Variants in MSRA observed in about 807,000 individuals in gnomAD.
MSRA encodes the protein mitochondrial peptide methionine sulfoxide reductase.
A neutral mutation model predicts 31.3 loss-of-function variants in MSRA; 54 were observed. That is an observed-to-expected ratio of 1.73 (90% CI 1.39 to 2.17). MSRA has a LOEUF of 2.17. MSRA is among the 30% of genes most tolerant of loss of function. MSRA has a pLI of 0.00. For synonymous variants in MSRA, 169 were observed against 116.5 expected, an observed-to-expected ratio of 1.45 and a Z score of -2.90; for missense variants, 507 against 300.9, an observed-to-expected ratio of 1.69 and a Z score of -5.07.
intron 1 of MSRA, among the ~76,000 whole-genome samples, chr8:10,132,763 A>T (rs1391213793): frequency 6.6e-6 from 1 of 152,248 alleles, no homozygotes; most frequent in Non-Finnish European, 1.5e-5. Flanking sequence ...TGTGCCAGGG[A>T]CTGTGATAGG....
intron 5 of MSRA, among the ~76,000 whole-genome samples, chr8:10,333,488 T>A (rs1802827735): frequency 6.6e-6 from 1 of 151,906 alleles, no homozygotes; most frequent in Admixed American, 6.6e-5. Context: ...CACAGGGAGG[T>A]CCCCGATGAC....
chr8:10,399,661 T>G (rs1033815615), intron 5 of MSRA, among the ~76,000 whole-genome samples: 10 of 152,208 alleles, frequency 6.6e-5, no homozygotes, highest in Admixed American at 3.9e-4. Flanking sequence ...CCTCTGATAT[T>G]TATTTATAGC....
chr8:10,206,055 TTTC>T (rs1808939130), intron 1 of MSRA, among the ~76,000 whole-genome samples: 1 of 152,358 alleles, frequency 6.6e-6, no homozygotes, highest in African/African-American at 2.4e-5. Context: ...CGTGTGTTTT[TTTC>T]TTAAGGTGTA....
At chr8:10,212,003 T>C (rs543715012) in intron 2 of MSRA, among the ~76,000 whole-genome samples, 1 of 152,070 alleles carries the variant, frequency 6.6e-6, no homozygotes, top group African/African-American at 2.4e-5. Flanking sequence ...TTGTGAAGAT[T>C]CTTGGTACAA....
chr8:10,145,155 A>C (rs1414805986), intron 1 of MSRA, among the ~76,000 whole-genome samples: 1 of 152,200 alleles, frequency 6.6e-6, no homozygotes, highest in Non-Finnish European at 1.5e-5. Context: ...GGCGGAGCTG[A>C]GTCAAACTCC....
At chr8:10,356,625 A>T (rs1804522864) in intron 5 of MSRA, among the ~76,000 whole-genome samples, 1 of 152,192 alleles carries the variant, frequency 6.6e-6, no homozygotes, top group Non-Finnish European at 1.5e-5. Flanking sequence ...TTTGGTTGTG[A>T]GAGTGGAGCC....
intron 1 of MSRA, among the ~76,000 whole-genome samples, chr8:10,187,138 T>C (rs905589537): frequency 2.0e-5 from 3 of 152,176 alleles, no homozygotes; most frequent in Non-Finnish European, 4.4e-5. Context: ...TTTAGAATCT[T>C]TCCTCAGTGT....
At chr8:10,210,218 C>T (rs540376552) in intron 2 of MSRA, among the ~76,000 whole-genome samples, 3 of 152,150 alleles carry the variant, frequency 2.0e-5, no homozygotes, top group Non-Finnish European at 2.9e-5. Flanking sequence ...GACTCATATA[C>T]TCCTCTTCCT....
intron 1 of MSRA, among the ~76,000 whole-genome samples, chr8:10,127,922 T>C (rs186481720): frequency 3.3e-5 from 5 of 152,172 alleles, no homozygotes; most frequent in Admixed American, 1.3e-4. Flanking sequence ...GGTTTCTTTG[T>C]GTACGTGAAT....
intron 5 of MSRA, among the ~76,000 whole-genome samples, chr8:10,368,414 C>CA (rs1224684911): frequency 1.3e-5 from 2 of 152,194 alleles, no homozygotes; most frequent in Admixed American, 1.3e-4. Flanking sequence ...TCTTCCTTTG[C>CA]AAAATCAGAA....
chr8:10,226,543 A>G (rs933541981), intron 2 of MSRA, among the ~76,000 whole-genome samples: 2 of 152,178 alleles, frequency 1.3e-5, no homozygotes, highest in African/African-American at 4.8e-5. Flanking sequence ...GCTCATTGGA[A>G]TTCCATAGAT....
intron 5 of MSRA, among the ~76,000 whole-genome samples, chr8:10,330,320 C>G (rs185428417): frequency 8.6e-5 from 13 of 152,016 alleles, no homozygotes; most frequent in African/African-American, 3.1e-4. Flanking sequence ...TATACCAACC[C>G]AAATGAGAGA....
intron 1 of MSRA, among the ~76,000 whole-genome samples, chr8:10,091,879 T>A (rs960239287): frequency 2.6e-5 from 4 of 152,186 alleles, no homozygotes; most frequent in Non-Finnish European, 4.4e-5. Flanking sequence ...AGTGTTGGGA[T>A]TACAGGTTTG....
intron 3 of MSRA, among the ~76,000 whole-genome samples, chr8:10,268,270 C>A (rs548278083): frequency 6.6e-6 from 1 of 152,162 alleles, no homozygotes; most frequent in African/African-American, 2.4e-5. Flanking sequence ...AATGGGAACG[C>A]TTCTTTCTCA....
intron 2 of MSRA, among the ~76,000 whole-genome samples, chr8:10,229,659 C>T (rs2129072242): frequency 6.6e-6 from 1 of 152,144 alleles, no homozygotes; most frequent in Non-Finnish European, 1.5e-5. Context: ...ATGAAATCCC[C>T]TCAGTGACTG....
intron 1 of MSRA, among the ~76,000 whole-genome samples, chr8:10,063,026 C>T (rs551972121): frequency 3.3e-4 from 51 of 152,338 alleles, no homozygotes; most frequent in African/African-American, 1.2e-3. Context: ...TACATTTCAC[C>T]TTGTGAAAGT....
intron 2 of MSRA, among the ~76,000 whole-genome samples, chr8:10,224,386 A>C (rs942950435): frequency 1.3e-5 from 2 of 152,226 alleles, no homozygotes; most frequent in African/African-American, 2.4e-5. Context: ...GTCTCTCGCT[A>C]CAGCCCACAC....
Position 10,402,649 on chromosome 8 carries a change from G to A in MSRA, c.544-25499G>A, listed in dbSNP as rs184115203. Among the ~76,000 whole-genome samples, 4 of 152,290 alleles carry A rather than the reference G, an allele frequency of 2.6e-5. No homozygotes were observed. In the East Asian group the frequency reaches 7.7e-4, roughly 29 times the overall value. On this transcript the variant is annotated intron_variant, in intron 5 of 5. Transcript: ENST00000317173. ...GAGAGGTGAAGGAGTATCCACAATG[G>A]AAAGAAACTGTCCCGACACAGAGAC...
At position 10,428,493 on chromosome 8, in the gene MSRA, C is replaced by G. The variant is rs1809340407; in HGVS notation, c.*181C>G. ...GCGATGGCAAGTTGATAAAATGTGACTTATCTCCTAATAAGTTATGGTGGG... is the reference window on the plus strand; with the variant it reads ...GCGATGGCAAGTTGATAAAATGTGAGTTATCTCCTAATAAGTTATGGTGGG... On this transcript the variant is annotated 3_prime_UTR_variant, in exon 6 of 6. Transcript: ENST00000317173. 3.2e-6 allele frequency: 2 copies of G among 632,636 alleles called. No individual in the cohort carries two copies. The highest frequency in any genetic ancestry group is 3.0e-5 in the East Asian group (1 of 33,622). 39.2% of individuals were successfully genotyped at this position (632,636 alleles called of 1,614,324 possible). A position where few individuals can be genotyped will look rare whatever the true frequency, so the allele number is the denominator to read the frequency against.
Sources: allele counts gnomAD v4.1 joint callset (sites outside exome capture counted in the v4.1 genomes callset), GRCh38; gene constraint gnomAD v4.1.1; transcripts MANE v1.5; gene names NCBI Gene and HGNC (gene_info 2026-07-23, HGNC 2026-07-21).